Variants in CARS2 observed in about 807,000 individuals in gnomAD.
The protein encoded by CARS2 is cysteinyl-tRNA synthetase 2, mitochondrial.
In CARS2, 52 loss-of-function variants were observed where a neutral mutation model predicts 68.8. The ratio of observed to expected loss-of-function variants is 0.76; its 90% CI spans 0.61 to 0.95. The LOEUF is 0.95. Ranked by LOEUF, CARS2 falls within the 40% of genes least tolerant of loss-of-function variation. CARS2 has a pLI of 0.00. For missense variants in CARS2, 780 were observed against 754.2 expected (o/e 1.03, Z -0.40); for synonymous variants, 314 against 303.6 (o/e 1.03, Z -0.36).
In CARS2 at chr13:110,668,724, C is replaced by T. The variant is rs1054281225; in HGVS notation, c.786-1251G>A. On this transcript the variant is annotated intron_variant, in intron 7 of 14. Coordinates refer to ENST00000257347, the MANE Select transcript of CARS2 (RefSeq NM_024537.4). The surrounding 1 kb of genome is among the most constrained non-coding windows in gnomAD (Gnocchi z 4.1). The stretch of plus-strand genomic sequence containing the variant: ...CGAAGATCTGAAGCCAACACAACGA[C>T]GTGAAAGTTTCACAAGCTGAACTAT... Among the ~76,000 whole-genome samples the T allele has an allele frequency of 3.3e-5, 5 of 152,222 alleles. No homozygotes were observed. Among genetic ancestry groups the T allele is most frequent in the African/African-American group, 9.6e-5 (4 of 41,522 alleles).
intron 3 of CARS2, among the ~76,000 whole-genome samples, chr13:110,695,582 C>T (rs901739093): frequency 1.2e-4 from 19 of 152,176 alleles, no homozygotes; most frequent in South Asian, 4.1e-4. Context: ...AAGGAACTTC[C>T]GGCACAGGCT....
intron 1 of CARS2, chr13:110,713,070 T>C: frequency 2.1e-6 from 3 of 1,444,004 alleles, no homozygotes; most frequent in Non-Finnish European, 2.7e-6. Context: ...TGCCCGGCCC[T>C]CCCCTTCCTT....
chr13:110,705,812 C>A lies in CARS2; in HGVS notation c.224+58G>T. On this transcript the variant is annotated intron_variant, in intron 1 of 14. Coordinates refer to ENST00000257347, the MANE Select transcript of CARS2 (RefSeq NM_024537.4). This position sits in a 1 kb window ranked among gnomAD's most constrained non-coding sequence, Gnocchi z 4.0. ...TCCCCGAGCCCAGATCCCGTTCAGC[C>A]GTGGGAAGTCTCCGCCACGATCGGC... 6.6e-7 allele frequency: 1 copy of A among 1,524,668 alleles called. No homozygotes were observed. Among genetic ancestry groups the A allele is most frequent in the Non-Finnish European group, 8.8e-7 (1 of 1,137,518 alleles). The allele number at this position is 1,524,668 out of a possible 1,614,324, so 94.4% of individuals were successfully genotyped here. A position where few individuals can be genotyped will look rare whatever the true frequency, so the allele number is the denominator to read the frequency against.
At chr13:110,707,094 G>A (rs544754529), upstream of CARS2, among the ~76,000 whole-genome samples, 2 of 150,902 alleles carry the variant, frequency 1.3e-5, no homozygotes, top group South Asian at 2.1e-4. Flanking sequence ...CACCATGTCT[G>A]CACCCCAGTA....
intron 8 of CARS2, chr13:110,663,884 A>C: frequency 9.7e-7 from 1 of 1,031,014 alleles, no homozygotes; most frequent in Non-Finnish European, 1.2e-6. Context: ...GCATCTGAAG[A>C]AACGACAAAG....
intron 3 of CARS2, among the ~76,000 whole-genome samples, chr13:110,700,469 G>T (rs1333996311): frequency 6.6e-6 from 1 of 152,174 alleles, no homozygotes; most frequent in Admixed American, 6.5e-5. Context: ...CGGCCTGGTG[G>T]GAAAAGTCTA....
At chr13:110,690,126 G>A (rs2063415460) in intron 3 of CARS2, among the ~76,000 whole-genome samples, 1 of 152,200 alleles carries the variant, frequency 6.6e-6, no homozygotes, top group Non-Finnish European at 1.5e-5. Context: ...TACTCAGGAG[G>A]CTGAGGCAGG....
intron 5 of CARS2, among the ~76,000 whole-genome samples, chr13:110,684,644 G>T (rs1292089077): frequency 6.6e-6 from 1 of 151,432 alleles, no homozygotes; most frequent in Admixed American, 6.6e-5. Flanking sequence ...GGTCATTCAG[G>T]GTTGACCATT....
At chr13:110,655,849 C>T (rs2062351537) in intron 9 of CARS2, among the ~76,000 whole-genome samples, 3 of 152,186 alleles carry the variant, frequency 2.0e-5, no homozygotes, top group Admixed American at 2.0e-4. Flanking sequence ...TGTGTATTGG[C>T]CTATCGTGTG....
In CARS2 at chr13:110,676,826, G is replaced by C. The variant is rs770424936; in HGVS notation, c.785+148C>G. The C allele has an allele frequency of 2.8e-6, 3 of 1,062,728 alleles. No individual in the cohort carries two copies. The highest frequency in any genetic ancestry group is 3.9e-6 in the Non-Finnish European group (3 of 764,712). 65.8% of individuals were successfully genotyped at this position (1,062,728 alleles called of 1,614,324 possible). ...TTTCGTTCACCCCGTTCCATGGCCCGTCACACTCCGGCAAAAATCTCTTCC... is the reference window on the plus strand; with the variant it reads ...TTTCGTTCACCCCGTTCCATGGCCCCTCACACTCCGGCAAAAATCTCTTCC... On this transcript the variant is annotated intron_variant, in intron 7 of 14. Transcript: ENST00000257347. The surrounding 1 kb of genome is among the most constrained non-coding windows in gnomAD (Gnocchi z 4.0).
rs763325378 is a variant in CARS2 at position 110,641,612 on chromosome 13, GAGA to G, written c.1624-7_1624-5del. The G allele has an allele frequency of 6.2e-6, 10 of 1,612,230 alleles. No homozygotes were observed. The highest frequency in any genetic ancestry group is 4.5e-5 in the East Asian group (2 of 44,890). ...TGGATGTTGTACTGCTTCTGTCCTG[GAGA>G]AGAAGAGTGAGGTCCAACTCTGAGC... On this transcript the variant is annotated splice_region_variant and splice_polypyrimidine_tract_variant and intron_variant, in intron 14 of 14. Coordinates refer to ENST00000257347, the MANE Select transcript of CARS2 (RefSeq NM_024537.4).
chr13:110,644,667 G>T, intron 12 of CARS2, 184 bp from the exon 13 acceptor site: 2 of 1,013,938 alleles, frequency 2.0e-6, no homozygotes, highest in South Asian at 1.8e-5. Context: ...ACAACTATAG[G>T]TGCATGAGGA....
At chr13:110,706,883 C>T (rs1364020653), upstream of CARS2, among the ~76,000 whole-genome samples, 15 of 150,448 alleles carry the variant, frequency 1.0e-4, no homozygotes, top group Admixed American at 9.3e-4. Context: ...CAACACAGTG[C>T]ACCCCGATAC....
rs143777330 is a variant in CARS2 at position 110,642,401 on chromosome 13, G to A, written c.1537C>T (p.Arg513Trp). The A allele has an allele frequency of 2.3e-5, 37 of 1,580,436 alleles. No individual in the cohort carries two copies. The highest frequency in any genetic ancestry group is 1.7e-4 in the Middle Eastern group (1 of 6,020). The part of the protein sequence containing the change: ...AMPEATGDAR[R>W]QQLLERQPLL... The stretch of plus-strand genomic sequence containing the variant: ...GGCTGCCTTTCTAGGAGCTGCTGCC[G>A]CCGGGCGTCCCCCGTGGCCTCGGGC... Residue 513 changes from arginine to tryptophan, a missense_variant, in exon 14 of 15, where the codon CGG (arginine) becomes TGG (tryptophan). Physicochemically the swap from Arg to Trp is moderately radical, Grantham distance 101 (BLOSUM62 -3). Transcript: ENST00000257347.
upstream of CARS2, among the ~76,000 whole-genome samples, chr13:110,709,039 G>A (rs1021063391): frequency 2.0e-5 from 3 of 151,086 alleles, no homozygotes; most frequent in Non-Finnish European, 4.4e-5. Flanking sequence ...TGGGAATACC[G>A]GCCTAAGCCA....
chr13:110,644,294 A>C, intron 13 of CARS2, 91 bp downstream of exon 13: 2 of 1,385,238 alleles, frequency 1.4e-6, no homozygotes, highest in Non-Finnish European at 2.0e-6. Flanking sequence ...GTGTGGCATC[A>C]TAATGCTCTA....
At chr13:110,682,366 C>T (rs1158811271) in intron 6 of CARS2, among the ~76,000 whole-genome samples, 3 of 152,150 alleles carry the variant, frequency 2.0e-5, no homozygotes, top group Non-Finnish European at 4.4e-5. Flanking sequence ...GTGCGGGGAG[C>T]GGGACAGGGC....
intron 3 of CARS2, among the ~76,000 whole-genome samples, chr13:110,692,698 C>G (rs370907429): frequency 1.3e-5 from 2 of 151,886 alleles, no homozygotes; most frequent in African/African-American, 4.8e-5. Flanking sequence ...ACCTGTAGTC[C>G]CAACTACTTG....
In CARS2 at chr13:110,705,842, G is replaced by A. The variant is rs749656652; in HGVS notation, c.224+28C>T. ...GAAGTCTCCGCCACGATCGGCCCCC[G>A]CCCGTGCCCCAGTCCCGCGCGGCCC... On this transcript the variant is annotated intron_variant, in intron 1 of 14. Coordinates refer to ENST00000257347, the MANE Select transcript of CARS2 (RefSeq NM_024537.4). The surrounding 1 kb of genome is among the most constrained non-coding windows in gnomAD (Gnocchi z 4.0). The A allele has an allele frequency of 3.3e-6, 5 of 1,538,272 alleles. No homozygotes were observed. The highest frequency in any genetic ancestry group is 4.4e-6 in the Non-Finnish European group (5 of 1,144,310).
Sources: gnomAD v4.1 joint callset for allele counts (sites outside exome capture counted in the v4.1 genomes callset) on GRCh38, gnomAD v4.1.1 for gene constraint, Gnocchi (gnomAD v3.1) non-coding constraint, MANE v1.5 for transcripts, NCBI Gene and HGNC (gene_info 2026-07-23, HGNC 2026-07-21) for gene names.